Variants in LRRC4C observed in about 807,000 individuals in gnomAD.
The protein encoded by LRRC4C is leucine-rich repeat-containing protein 4C.
A neutral mutation model predicts 33.6 loss-of-function variants in LRRC4C; 5 were observed. That is an observed-to-expected ratio of 0.15 (90% CI 0.08 to 0.31). LRRC4C has a LOEUF of 0.31. Among genes scored for constraint, LRRC4C ranks in the 10% least tolerant of loss-of-function variants. The pLI, the probability that LRRC4C is intolerant of heterozygous loss-of-function variation, is 1.00. For synonymous variants in LRRC4C, 329 were observed against 302.0 expected, an observed-to-expected ratio of 1.09 and a Z score of -0.93; for missense variants, 560 against 796.7, an observed-to-expected ratio of 0.70 and a Z score of 3.58.
intron 1 of LRRC4C, among the ~76,000 whole-genome samples, chr11:41,266,955 G>C (rs116925779): frequency 6.6e-6 from 1 of 152,088 alleles, no homozygotes; most frequent in Non-Finnish European, 1.5e-5. Flanking sequence ...CTGCACAACC[G>C]TGTTAAGTGC....
At chr11:40,493,645 A>C (rs148247567) in intron 3 of LRRC4C, among the ~76,000 whole-genome samples, 1 of 152,194 alleles carries the variant, frequency 6.6e-6, no homozygotes, top group Non-Finnish European at 1.5e-5. Flanking sequence ...TCTTAGCTTG[A>C]TAAACTATTA....
At chr11:40,976,668 T>C (rs1852107678) in intron 1 of LRRC4C, among the ~76,000 whole-genome samples, 1 of 152,176 alleles carries the variant, frequency 6.6e-6, no homozygotes, top group Non-Finnish European at 1.5e-5. Context: ...TTCTACAGTG[T>C]TTTATTTCCT....
intron 2 of LRRC4C, among the ~76,000 whole-genome samples, chr11:40,678,791 A>T (rs954199952): frequency 6.6e-6 from 1 of 152,152 alleles, no homozygotes; most frequent in Non-Finnish European, 1.5e-5. Flanking sequence ...TCTTTCCTGT[A>T]TAAATTACCC....
chr11:40,419,607 A>C (rs1444117544), intron 3 of LRRC4C, among the ~76,000 whole-genome samples: 1 of 152,224 alleles, frequency 6.6e-6, no homozygotes, highest in Non-Finnish European at 1.5e-5. Context: ...ATGAAAGAAA[A>C]CTAAGAAAAG....
intron 5 of LRRC4C, among the ~76,000 whole-genome samples, chr11:40,189,435 T>C (rs991618954): frequency 6.6e-6 from 1 of 152,190 alleles, no homozygotes; most frequent in African/African-American, 2.4e-5. Flanking sequence ...GTTTTATAGT[T>C]AGGAAGACCT....
At chr11:40,209,819 A>C (rs935307702) in intron 5 of LRRC4C, among the ~76,000 whole-genome samples, 6 of 152,232 alleles carry the variant, frequency 3.9e-5, no homozygotes, top group African/African-American at 1.4e-4. Context: ...ATGTAAGCAT[A>C]AATCATAACA....
At chr11:40,369,255 C>T (rs999204622) in intron 3 of LRRC4C, among the ~76,000 whole-genome samples, 3 of 152,150 alleles carry the variant, frequency 2.0e-5, no homozygotes, top group African/African-American at 7.2e-5. Flanking sequence ...AAATTGCTGG[C>T]ATTTCTCTTC....
At chr11:41,031,630 C>T (rs1462211) in intron 1 of LRRC4C, among the ~76,000 whole-genome samples, 97,496 of 151,772 alleles carry the variant, frequency 0.64, 31,779 homozygotes, top group Non-Finnish European at 0.69. Context: ...ATTCCAGGTC[C>T]ATTTTAAAAT....
intron 2 of LRRC4C, among the ~76,000 whole-genome samples, chr11:40,732,993 A>G (rs1947669083): frequency 6.6e-6 from 1 of 150,968 alleles, no homozygotes; most frequent in African/African-American, 2.4e-5. Context: ...AAGGATCCAC[A>G]TCTAGTAACT....
intron 3 of LRRC4C, among the ~76,000 whole-genome samples, chr11:40,634,264 T>C (rs965772927): frequency 3.3e-5 from 5 of 152,238 alleles, no homozygotes; most frequent in Non-Finnish European, 7.3e-5. Context: ...AATTGGTGTT[T>C]ATGCTAGTAT....
Position 41,304,651 on chromosome 11 carries a change from G to A in LRRC4C, c.-496+154780C>T, listed in dbSNP as rs1387445628. ...GGGTCAGCCCTCCGCCCAGCCAGCC[G>A]CCCCATCCGGGAGGGAGGTTGGGGG... On this transcript the variant is annotated intron_variant, in intron 1 of 6. Transcript: ENST00000528697. Among the ~76,000 whole-genome samples the A allele has an allele frequency of 2.6e-4, 30 of 113,918 alleles. 1 individual carries two copies. Among genetic ancestry groups the A allele is most frequent in the African/African-American group, 8.5e-4 (25 of 29,508 alleles). The allele number at this position is 113,918 out of a possible 152,430, so 74.7% of individuals were successfully genotyped here.
At chr11:41,396,677 G>A (rs1410324030) in intron 1 of LRRC4C, among the ~76,000 whole-genome samples, 1 of 152,006 alleles carries the variant, frequency 6.6e-6, no homozygotes, top group Non-Finnish European at 1.5e-5. Context: ...TGTCATGGAA[G>A]TTTGTTGTGC....
chr11:41,073,748 T>C (rs1938893341), intron 1 of LRRC4C, among the ~76,000 whole-genome samples: 1 of 152,192 alleles, frequency 6.6e-6, no homozygotes, highest in Non-Finnish European at 1.5e-5. Context: ...GACTGTTGTC[T>C]TGTAGATCTT....
chr11:40,705,710 G>A (rs1048645879), intron 2 of LRRC4C, among the ~76,000 whole-genome samples: 7 of 151,936 alleles, frequency 4.6e-5, no homozygotes, highest in African/African-American at 1.7e-4. Flanking sequence ...ATAATCCTTT[G>A]GGTATATACC....
At chr11:40,935,997 T>C (rs1274704842) in intron 1 of LRRC4C, among the ~76,000 whole-genome samples, 1 of 103,472 alleles carries the variant, frequency 9.7e-6, no homozygotes, top group Non-Finnish European at 1.9e-5. Flanking sequence ...TAAAAACTAC[T>C]AAAAAGATGC....
At chr11:40,286,485 A>T (rs1053303492) in intron 4 of LRRC4C, among the ~76,000 whole-genome samples, 1 of 152,194 alleles carries the variant, frequency 6.6e-6, no homozygotes, top group Non-Finnish European at 1.5e-5. Context: ...TATGAATTTG[A>T]TTGACATTGA....
chr11:40,850,427 C>A (rs2092934468), intron 2 of LRRC4C, among the ~76,000 whole-genome samples: 1 of 152,136 alleles, frequency 6.6e-6, no homozygotes. Context: ...TGCTGGGGGT[C>A]CACTCCAGAT....
rs536055588 is a variant in LRRC4C at position 40,399,834 on chromosome 11, C to A, written c.-269-80113G>T. 3.0e-4 allele frequency among the ~76,000 whole-genome samples: 46 copies of A among 151,978 alleles called. 1 individual carries two copies. In the South Asian group the frequency reaches 9.6e-3, roughly 32 times the overall value. ...AACCTTCCATGTCATGCGAAAAATA[C>A]CTGGGGAAACGGGGCAGTTTAGTCT... On this transcript the variant is annotated intron_variant, in intron 3 of 6. Coordinates refer to ENST00000528697, the MANE Select transcript of LRRC4C (RefSeq NM_001258419.2).
At chr11:41,011,094 A>G (rs1352689098) in intron 1 of LRRC4C, among the ~76,000 whole-genome samples, 3 of 152,156 alleles carry the variant, frequency 2.0e-5, no homozygotes, top group South Asian at 4.1e-4. Context: ...TACAATTTAC[A>G]TCGCTCCTAT....
Sources: allele counts gnomAD v4.1 joint callset (sites outside exome capture counted in the v4.1 genomes callset), GRCh38; gene constraint gnomAD v4.1.1; transcripts MANE v1.5; gene names NCBI Gene and HGNC (gene_info 2026-07-23, HGNC 2026-07-21).